Variants in STT3B observed in about 807,000 individuals in gnomAD.
STT3B encodes the protein dolichyl-diphosphooligosaccharide--protein glycosyltransferase subunit STT3B.
In STT3B, 29 loss-of-function variants were observed where a neutral mutation model predicts 96.8. That is an observed-to-expected ratio of 0.30 (90% CI 0.22 to 0.41). The LOEUF (loss-of-function observed/expected upper bound fraction) is 0.41. STT3B is among the 10% of genes least tolerant of loss of function. The pLI, the probability that STT3B is intolerant of heterozygous loss-of-function variation, is 1.00. For missense variants in STT3B, 640 were observed against 1,022.3 expected (o/e 0.63, Z 5.10); for synonymous variants, 367 against 360.0 (o/e 1.02, Z -0.22).
chr3:31,552,582 A>G (rs187041744), intron 1 of STT3B, among the ~76,000 whole-genome samples: 1 of 152,130 alleles, frequency 6.6e-6, no homozygotes, highest in Non-Finnish European at 1.5e-5. Flanking sequence ...TGTTAGCATT[A>G]TGAAAACTAC....
At chr3:31,615,495 A>G (rs544073071) in intron 6 of STT3B, among the ~76,000 whole-genome samples, 40 of 152,046 alleles carry the variant, frequency 2.6e-4, no homozygotes, top group African/African-American at 9.1e-4. Flanking sequence ...AGAGTTTATT[A>G]TCAGATTCTC....
chr3:31,545,427 A>T (rs1697382874), intron 1 of STT3B, among the ~76,000 whole-genome samples: 2 of 152,252 alleles, frequency 1.3e-5, no homozygotes, highest in Non-Finnish European at 2.9e-5. Context: ...ACTGTGTAAG[A>T]ATCACAACAT....
chr3:31,629,481 GA>G, intron 14 of STT3B, 70 bp downstream of exon 14: 1 of 767,310 alleles, frequency 1.3e-6, no homozygotes, highest in South Asian at 1.8e-5. Context: ...TTTGCCTCTA[GA>G]AAACAGGATA....
intron 3 of STT3B, among the ~76,000 whole-genome samples, chr3:31,585,892 A>G (rs1698525413): frequency 6.6e-6 from 1 of 152,228 alleles, no homozygotes; most frequent in East Asian, 1.9e-4. Flanking sequence ...TTTGGCAATG[A>G]TGAATTAAGT....
rs151126518 is a variant in STT3B at position 31,549,894 on chromosome 3, T to C, written c.314+16582T>C. Among the ~76,000 whole-genome samples, 673 of 152,302 alleles carry C rather than the reference T, an allele frequency of 4.4e-3. 6 individuals are homozygous for C. The highest frequency in any genetic ancestry group is 0.015 in the African/African-American group (613 of 41,574). On this transcript the variant is annotated intron_variant, in intron 1 of 15. Transcript: ENST00000295770. ...TCTGCCTACATTATTTAGATTTCCA[T>C]CTCTATTGGGCTTAGCTGAGCAAAG...
At chr3:31,588,322 T>TAA (rs1346700137) in intron 3 of STT3B, among the ~76,000 whole-genome samples, 1 of 152,110 alleles carries the variant, frequency 6.6e-6, no homozygotes, top group African/African-American at 2.4e-5. Context: ...GTTTTACCCT[T>TAA]AAAATATTTG....
intron 5 of STT3B, among the ~76,000 whole-genome samples, chr3:31,609,093 G>A (rs904748925): frequency 1.3e-5 from 2 of 152,230 alleles, no homozygotes; most frequent in South Asian, 2.1e-4. Context: ...CCAGCCTGGC[G>A]ACAGAAAAAG....
chr3:31,628,921 A>G (rs959371554), intron 13 of STT3B, among the ~76,000 whole-genome samples: 3 of 152,132 alleles, frequency 2.0e-5, no homozygotes, highest in African/African-American at 7.2e-5. Flanking sequence ...CCTGGACAAC[A>G]TGGTGAAACC....
rs147037487 is a variant in STT3B, at chr3:31,614,246, G to A, written c.878-859G>A. 1.8e-4 allele frequency among the ~76,000 whole-genome samples: 28 copies of A among 152,010 alleles called. 1 individual carries two copies. The highest frequency in any genetic ancestry group is 6.0e-4 in the African/African-American group (25 of 41,516). On this transcript the variant is annotated intron_variant, in intron 5 of 15. Coordinates refer to ENST00000295770, the MANE Select transcript of STT3B (RefSeq NM_178862.3). ...TATTTGCCAAAAACTATTAAATGAT[G>A]TGTAATCTGTATAAATGGGGTAGTT...
In STT3B at chr3:31,539,915, A is replaced by G. The variant is rs554354006; in HGVS notation, c.314+6603A>G. 2.0e-5 allele frequency among the ~76,000 whole-genome samples: 3 copies of G among 152,294 alleles called. No homozygotes were observed. The East Asian group carries it at 5.8e-4, about 29-fold the overall frequency. ...AGATGGAGAGCTGAACTTTCAGAGT[A>G]GACTCAGAATTCTATAACCCACAGG... On this transcript the variant is annotated intron_variant, in intron 1 of 15. Coordinates refer to ENST00000295770, the MANE Select transcript of STT3B (RefSeq NM_178862.3).
chr3:31,588,942 A>G (rs1698606861), intron 3 of STT3B, among the ~76,000 whole-genome samples: 1 of 151,974 alleles, frequency 6.6e-6, no homozygotes, highest in Admixed American at 6.6e-5. Flanking sequence ...TTGTTTCAAT[A>G]TCATGTTAGC....
chr3:31,604,738 T>G (rs1699010690), intron 5 of STT3B, among the ~76,000 whole-genome samples: 1 of 152,178 alleles, frequency 6.6e-6, no homozygotes, highest in African/African-American at 2.4e-5. Context: ...TTTAAAAGTT[T>G]TGGAGATAAG....
At chr3:31,607,536 T>TCAAG (rs1699080302) in intron 5 of STT3B, among the ~76,000 whole-genome samples, 1 of 152,148 alleles carries the variant, frequency 6.6e-6, no homozygotes, top group Non-Finnish European at 1.5e-5. Context: ...CATGCCACCT[T>TCAAG]GATTGTGAGG....
intron 1 of STT3B, among the ~76,000 whole-genome samples, chr3:31,561,213 GA>G (rs1697869659): frequency 6.7e-6 from 1 of 150,036 alleles, no homozygotes; most frequent in Non-Finnish European, 1.5e-5. Context: ...AGTTTTTTTA[GA>G]ATAAATAATT....
chr3:31,580,157 T>G (rs562886193), intron 3 of STT3B, 61 bp downstream of exon 3: 1 of 1,518,454 alleles, frequency 6.6e-7, no homozygotes, highest in Admixed American at 1.8e-5. Flanking sequence ...TGAAACACTT[T>G]AGGCTGTACG....
At chr3:31,557,784 C>T (rs11129452) in intron 1 of STT3B, among the ~76,000 whole-genome samples, 83,452 of 152,010 alleles carry the variant, frequency 0.55, 25,887 homozygotes, top group Non-Finnish European at 0.71. Context: ...AGGCGCCCGC[C>T]ACCATGCCTG....
At chr3:31,627,244 G>A (rs575114527) in intron 13 of STT3B, among the ~76,000 whole-genome samples, 6 of 152,246 alleles carry the variant, frequency 3.9e-5, no homozygotes, top group South Asian at 2.1e-4. Context: ...TCAGACCAGC[G>A]GCAGCATTAG....
At chr3:31,541,681 A>G (rs1425484272) in intron 1 of STT3B, among the ~76,000 whole-genome samples, 4 of 152,064 alleles carry the variant, frequency 2.6e-5, no homozygotes, top group East Asian at 1.9e-4. Context: ...GGTTCATGTC[A>G]TTCTCCTGCC....
intron 1 of STT3B, among the ~76,000 whole-genome samples, chr3:31,542,673 A>T (rs1404074787): frequency 6.6e-6 from 1 of 152,238 alleles, no homozygotes; most frequent in African/African-American, 2.4e-5. Context: ...TATTTGGATG[A>T]TGGTCCAACT....
Sources: allele counts gnomAD v4.1 joint callset (sites outside exome capture counted in the v4.1 genomes callset), GRCh38; gene constraint gnomAD v4.1.1; transcripts MANE v1.5; gene names NCBI Gene and HGNC (gene_info 2026-07-23, HGNC 2026-07-21).